The following SH3BP5 variants were observed in gnomAD, a reference collection of about 807,000 sequenced individuals.
SH3BP5 encodes SH3 domain binding protein 5.
SH3BP5 carries 22 observed loss-of-function variants against 43.3 expected under a neutral mutation model. That is an observed-to-expected ratio of 0.51 (90% CI 0.36 to 0.73). The LOEUF (loss-of-function observed/expected upper bound fraction) is 0.73, where lower values mean the gene tolerates loss of function less well. Among genes scored for constraint, SH3BP5 ranks in the 30% least tolerant of loss-of-function variants. The pLI is 0.00. For missense variants in SH3BP5, 529 were observed against 586.9 expected (o/e 0.90, Z 1.02); for synonymous variants, 255 against 225.8 (o/e 1.13, Z -1.16).
chr3:15,294,645 A>G (rs1405691434), intron 3 of SH3BP5, among the ~76,000 whole-genome samples: 1 of 152,194 alleles, frequency 6.6e-6, no homozygotes, highest in East Asian at 1.9e-4. Flanking sequence ...TAAGGCCAAA[A>G]GGGAAACAAT....
chr3:15,338,235 C>A (rs1055728547), intron 1 of SH3BP5, among the ~76,000 whole-genome samples: 1 of 151,790 alleles, frequency 6.6e-6, no homozygotes, highest in Non-Finnish European at 1.5e-5. Context: ...CCTAACTACT[C>A]CAGAGGCTGA....
chr3:15,280,230 C>G (rs1697083546), intron 3 of SH3BP5, among the ~76,000 whole-genome samples: 1 of 152,144 alleles, frequency 6.6e-6, no homozygotes, highest in Non-Finnish European at 1.5e-5. Flanking sequence ...GCTCTTCCTG[C>G]CCACCCTAGC....
chr3:15,278,316 G>A (rs1161612234), intron 3 of SH3BP5, among the ~76,000 whole-genome samples: 1 of 152,218 alleles, frequency 6.6e-6, no homozygotes, highest in Admixed American at 6.5e-5. Flanking sequence ...AACCCCTGGG[G>A]GGTCTCAGTG....
chr3:15,260,050 C>CCA, intron 5 of SH3BP5: 4 of 551,274 alleles, frequency 7.3e-6, no homozygotes, highest in Middle Eastern at 7.3e-4. Flanking sequence ...CACGGGGAAC[C>CCA]CACACACACA....
rs149792517 is a variant in SH3BP5 at position 15,282,055 on chromosome 3, T to G, written c.331-12178A>C. Among the ~76,000 whole-genome samples, 9 of 152,196 alleles carry G rather than the reference T, an allele frequency of 5.9e-5. No individual in the cohort carries two copies. The East Asian group carries it at 1.7e-3, about 29-fold the overall frequency. On this transcript the variant is annotated intron_variant, in intron 3 of 8. Transcript: ENST00000383791. ...TTGATGCCTTGCACAAAACTGGCAT[T>G]GATTTGACCAGGACAATTGAGCCAC...
intron 4 of SH3BP5, among the ~76,000 whole-genome samples, chr3:15,265,158 G>A (rs1329393974): frequency 2.0e-5 from 3 of 151,948 alleles, no homozygotes; most frequent in East Asian, 1.9e-4. Flanking sequence ...CCCCTGCTTC[G>A]CCCCACCAGG....
Position 15,332,550 on chromosome 3 carries a change from C to A in SH3BP5, c.-142G>T. 1 of 1,236,562 alleles carries A rather than the reference C, an allele frequency of 8.1e-7. No individual in the cohort carries two copies. The highest frequency in any genetic ancestry group is 1.0e-6 in the Non-Finnish European group (1 of 992,128). 76.6% of individuals were successfully genotyped at this position (1,236,562 alleles called of 1,614,324 possible). On this transcript the variant is annotated 5_prime_UTR_variant, in exon 1 of 9. Coordinates refer to ENST00000383791, the MANE Select transcript of SH3BP5 (RefSeq NM_004844.5). ...GGGCCGACACCCGGGAGACGCAGCT[C>A]GCCGATGCGGATACCTCCGGCCGCG...
intron 2 of SH3BP5, among the ~76,000 whole-genome samples, chr3:15,317,176 AC>A (rs1442622098): frequency 1.3e-5 from 2 of 152,218 alleles, no homozygotes; most frequent in Non-Finnish European, 2.9e-5. Context: ...TGTTTCAACC[AC>A]CACCCAAGCT....
At chr3:15,284,162 C>A (rs140323359) in intron 3 of SH3BP5, among the ~76,000 whole-genome samples, 1 of 152,178 alleles carries the variant, frequency 6.6e-6, no homozygotes, top group African/African-American at 2.4e-5. Context: ...GTAAGCTTCA[C>A]TGAAGCTTAC....
In SH3BP5 at chr3:15,256,027, A is replaced by T; in HGVS notation, c.*59T>A. On this transcript the variant is annotated 3_prime_UTR_variant, in exon 9 of 9. Transcript: ENST00000383791. ...CATATATTAAATGATTATTGGCACAATGTTCTCCAGTTCCATGTATAAATG... is the reference window on the plus strand; with the variant it reads ...CATATATTAAATGATTATTGGCACATTGTTCTCCAGTTCCATGTATAAATG... 1 of 1,340,294 alleles carries T rather than the reference A, an allele frequency of 7.5e-7. No homozygotes were observed. Among genetic ancestry groups the T allele is most frequent in the East Asian group, 2.3e-5 (1 of 43,288 alleles). 83.0% of individuals were successfully genotyped at this position (1,340,294 alleles called of 1,614,324 possible). A position where few individuals can be genotyped will look rare whatever the true frequency, so the allele number is the denominator to read the frequency against.
At chr3:15,320,219 C>T (rs910243723) in intron 2 of SH3BP5, among the ~76,000 whole-genome samples, 2 of 151,070 alleles carry the variant, frequency 1.3e-5, no homozygotes, top group African/African-American at 4.9e-5. Flanking sequence ...GGCTGGGCTG[C>T]AGTTATAATA....
intron 5 of SH3BP5, among the ~76,000 whole-genome samples, 169 bp downstream of exon 5, chr3:15,261,990 T>C (rs904344757): frequency 1.3e-5 from 2 of 152,098 alleles, no homozygotes; most frequent in Non-Finnish European, 2.9e-5. Flanking sequence ...CTGGGGGTCA[T>C]AGAATATTAG....
At chr3:15,332,702 G>T, upstream of SH3BP5, 1 of 1,096,614 alleles carries the variant, frequency 9.1e-7, no homozygotes, top group Non-Finnish European at 1.1e-6. Flanking sequence ...GGTCTCCGTC[G>T]CAAAACCCCA....
At chr3:15,299,995 T>C (rs898140723) in intron 3 of SH3BP5, among the ~76,000 whole-genome samples, 11 of 152,234 alleles carry the variant, frequency 7.2e-5, no homozygotes, top group Admixed American at 3.9e-4. Context: ...TTTGAGTGAG[T>C]ACCTGATGCT....
chr3:15,296,341 TACACACAC>T (rs141504303), intron 3 of SH3BP5, among the ~76,000 whole-genome samples: 3,167 of 146,246 alleles, frequency 0.022, 101 homozygotes, highest in African/African-American at 0.075. Context: ...GGAAATCATA[TACACACAC>T]ACACACACAC....
chr3:15,327,977 G>A (rs577384416), intron 2 of SH3BP5, among the ~76,000 whole-genome samples: 1 of 152,234 alleles, frequency 6.6e-6, no homozygotes, highest in South Asian at 2.1e-4. Flanking sequence ...GATATTCCGG[G>A]TTAAACAAAA....
At chr3:15,272,560 T>TTCGATGATACCTCAGATCAAATTTATAA (rs1559432638) in intron 3 of SH3BP5, among the ~76,000 whole-genome samples, 1 of 113,364 alleles carries the variant, frequency 8.8e-6, no homozygotes, top group African/African-American at 6.0e-5. Context: ...GCCTGTAGGA[T>TTCGATGATACCTCAGATCAAATTTATAA]AAAGACATTA....
chr3:15,260,055 C>T (rs1006771159), intron 5 of SH3BP5: 4 of 545,600 alleles, frequency 7.3e-6, no homozygotes, highest in Non-Finnish European at 1.3e-5. Flanking sequence ...GGAACCCACA[C>T]ACACATATCT....
At chr3:15,270,836 G>C (rs538958965) in intron 3 of SH3BP5, among the ~76,000 whole-genome samples, 15 of 148,864 alleles carry the variant, frequency 1.0e-4, no homozygotes, top group African/African-American at 3.7e-4. Flanking sequence ...TGAGGCAGAA[G>C]AATCACTTGA....
Sources: allele counts gnomAD v4.1 joint callset (sites outside exome capture counted in the v4.1 genomes callset), GRCh38; gene constraint gnomAD v4.1.1; transcripts MANE v1.5; gene names NCBI Gene and HGNC (gene_info 2026-07-23, HGNC 2026-07-21).